UNC5D: variants seen among roughly 807,000 people sequenced by gnomAD.
UNC5D encodes the protein unc-5 netrin receptor D.
In UNC5D, 39 loss-of-function variants were observed where a neutral mutation model predicts 105.4. That is an observed-to-expected ratio of 0.37 (90% CI 0.29 to 0.48). The LOEUF is 0.48. Ranked by LOEUF, UNC5D falls within the 20% of genes least tolerant of loss-of-function variation. The pLI is 0.98. For missense variants in UNC5D, 991 were observed against 1,202.4 expected, an observed-to-expected ratio of 0.82 and a Z score of 2.60; for synonymous variants, 452 against 450.4, an observed-to-expected ratio of 1.00 and a Z score of -0.04.
chr8:35,369,957 T>G lies in UNC5D; in HGVS notation c.103+134070T>G, dbSNP rs563383582. Among the ~76,000 whole-genome samples the G allele has an allele frequency of 2.6e-5, 4 of 152,308 alleles. No homozygotes were observed. In the South Asian group the frequency reaches 8.3e-4, roughly 32 times the overall value. ...TTTTGCTGTACCTTTGTATCCTCTC[T>G]CCTTCCTGCATTTTTTCTTTCCCAC... On this transcript the variant is annotated intron_variant, in intron 1 of 16. Transcript: ENST00000404895.
chr8:35,339,417 T>G (rs1811292537), intron 1 of UNC5D, among the ~76,000 whole-genome samples: 1 of 152,230 alleles, frequency 6.6e-6, no homozygotes, highest in African/African-American at 2.4e-5. Context: ...GTGGGACTCA[T>G]TTATTTCCTT....
rs371024533 is a variant in UNC5D at position 35,693,647 on chromosome 8, C to T, written c.1084+6938C>T. ...AGAGCCTAGGTAAGAATTGCTTTCT[C>T]AGCTAACAGAAATGAAGGCAGTTAT... On this transcript the variant is annotated intron_variant, in intron 7 of 16. Transcript: ENST00000404895. Among the ~76,000 whole-genome samples, 9 of 152,260 alleles carry T rather than the reference C, an allele frequency of 5.9e-5. 1 individual carries two copies. The highest frequency in any genetic ancestry group is 2.2e-4 in the African/African-American group (9 of 41,566).
intron 1 of UNC5D, among the ~76,000 whole-genome samples, chr8:35,273,654 G>A (rs902845073): frequency 6.6e-6 from 1 of 152,130 alleles, no homozygotes; most frequent in East Asian, 1.9e-4. Context: ...CTGAAACTCA[G>A]GAAAAAGATA....
intron 1 of UNC5D, among the ~76,000 whole-genome samples, chr8:35,249,714 A>G (rs1338731888): frequency 6.6e-6 from 1 of 152,118 alleles, no homozygotes; most frequent in Non-Finnish European, 1.5e-5. Flanking sequence ...CAATCCCTGT[A>G]TAGAGCTTAT....
chr8:35,540,435 A>G (rs1174307697), intron 1 of UNC5D, among the ~76,000 whole-genome samples: 1 of 145,082 alleles, frequency 6.9e-6, no homozygotes, highest in Non-Finnish European at 1.5e-5. Context: ...TTCTTTCACA[A>G]AGCAGAGGGG....
intron 1 of UNC5D, among the ~76,000 whole-genome samples, chr8:35,398,973 C>T (rs540248083): frequency 1.3e-5 from 2 of 151,686 alleles, no homozygotes; most frequent in African/African-American, 4.8e-5. Context: ...CTGGGCAACA[C>T]GGTGAAACCC....
At chr8:35,603,884 T>C (rs1003516692) in intron 4 of UNC5D, among the ~76,000 whole-genome samples, 1 of 152,146 alleles carries the variant, frequency 6.6e-6, no homozygotes, top group African/African-American at 2.4e-5. Context: ...TTTTTTGTTT[T>C]CCATTTGCTT....
In UNC5D at chr8:35,726,891, G is replaced by A. The variant is rs1250107696; in HGVS notation, c.1681+362G>A. 4 of 255,226 alleles carry A rather than the reference G, an allele frequency of 1.6e-5. No individual in the cohort carries two copies. The East Asian group carries it at 2.4e-4, about 15-fold the overall frequency. The allele number at this position is 255,226 out of a possible 1,614,324, so 15.8% of individuals were successfully genotyped here. On this transcript the variant is annotated intron_variant, in intron 10 of 16. Transcript: ENST00000404895. ...CTGGCATGACAGACCAGGGCCCCAT[G>A]TTTATACCTAAGCATGGTTTATGTA...
chr8:35,767,646 T>C (rs1801831742), intron 15 of UNC5D, among the ~76,000 whole-genome samples: 1 of 152,116 alleles, frequency 6.6e-6, no homozygotes, highest in Non-Finnish European at 1.5e-5. Flanking sequence ...TACAATAATA[T>C]AAGAAGGATC....
chr8:35,349,687 G>A (rs962197535), intron 1 of UNC5D, among the ~76,000 whole-genome samples: 3 of 151,954 alleles, frequency 2.0e-5, no homozygotes, highest in African/African-American at 7.2e-5. Context: ...TCCATGAAAT[G>A]AAAAGCCAGT....
chr8:35,721,905 T>G (rs1200266047), intron 8 of UNC5D, among the ~76,000 whole-genome samples: 1 of 152,228 alleles, frequency 6.6e-6, no homozygotes, highest in South Asian at 2.1e-4. Flanking sequence ...AACTAAGGAG[T>G]TGTCTGCTCT....
chr8:35,235,491 G>C lies in UNC5D; in HGVS notation c.-294G>C, dbSNP rs887152418. The C allele has an allele frequency of 1.0e-5, 3 of 288,532 alleles. No individual in the cohort carries two copies. Among genetic ancestry groups the C allele is most frequent in the Admixed American group, 5.2e-5 (1 of 19,150 alleles). 17.9% of individuals were successfully genotyped at this position (288,532 alleles called of 1,614,324 possible). A position where few individuals can be genotyped will look rare whatever the true frequency, so the allele number is the denominator to read the frequency against. On this transcript the variant is annotated 5_prime_UTR_variant, in exon 1 of 17. Coordinates refer to ENST00000404895, the MANE Select transcript of UNC5D (RefSeq NM_080872.4). ...GCCTCCGCTCCGTAGTTCGGGGCCC[G>C]GCAGCGGCGCGAGGGCTGGGAACTG...
At chr8:35,345,746 A>G (rs1811765205) in intron 1 of UNC5D, among the ~76,000 whole-genome samples, 1 of 152,038 alleles carries the variant, frequency 6.6e-6, no homozygotes, top group Non-Finnish European at 1.5e-5. Context: ...TTAACCTCAA[A>G]CACTGAATAA....
chr8:35,557,204 G>A (rs1816616358), intron 2 of UNC5D, among the ~76,000 whole-genome samples: 1 of 152,146 alleles, frequency 6.6e-6, no homozygotes, highest in Non-Finnish European at 1.5e-5. Context: ...AAGTTAATTT[G>A]CTTTCCTTTA....
chr8:35,536,174 T>A (rs1476869488), intron 1 of UNC5D, among the ~76,000 whole-genome samples: 2 of 152,198 alleles, frequency 1.3e-5, no homozygotes, highest in Non-Finnish European at 2.9e-5. Context: ...GATAAGGAAA[T>A]TAAGCCCCCT....
intron 1 of UNC5D, among the ~76,000 whole-genome samples, chr8:35,389,205 G>A (rs936984118): frequency 6.6e-6 from 1 of 152,174 alleles, no homozygotes; most frequent in African/African-American, 2.4e-5. Flanking sequence ...CTTGTATTCT[G>A]CTCTGATGTC....
intron 1 of UNC5D, among the ~76,000 whole-genome samples, chr8:35,429,430 G>A (rs892176977): frequency 6.6e-6 from 1 of 151,756 alleles, no homozygotes; most frequent in African/African-American, 2.4e-5. Flanking sequence ...TGACTTATAT[G>A]GGTTTGTTCA....
At chr8:35,659,630 A>G (rs1436036539) in intron 4 of UNC5D, among the ~76,000 whole-genome samples, 1 of 152,190 alleles carries the variant, frequency 6.6e-6, no homozygotes, top group East Asian at 1.9e-4. Flanking sequence ...GCACACCGAC[A>G]TGCATGCATC....
chr8:35,479,453 A>G (rs962815487), intron 1 of UNC5D, among the ~76,000 whole-genome samples: 2 of 152,164 alleles, frequency 1.3e-5, no homozygotes, highest in African/African-American at 4.8e-5. Context: ...ATATACCCAA[A>G]GGAAAATAGA....
Sources: allele counts gnomAD v4.1 joint callset (sites outside exome capture counted in the v4.1 genomes callset), GRCh38; gene constraint gnomAD v4.1.1; transcripts MANE v1.5; gene names NCBI Gene and HGNC (gene_info 2026-07-23, HGNC 2026-07-21).